Variants in LSM12 observed in about 807,000 individuals in gnomAD.
The protein encoded by LSM12 is protein LSM12.
For missense variants in LSM12, 108 were observed against 238.9 expected (o/e 0.45, Z 3.61); for synonymous variants, 74 against 87.3 (o/e 0.85, Z 0.85).
rs370655571 is a variant in LSM12 at position 44,037,537 on chromosome 17, T to C, written c.370A>G (p.Ile124Val). ...QQLFQTIHKT[I>V]KDCKWQEKNI... ...TTTTCTTGCCATTTACAGTCTTTAA[T>C]GCTGGAAGGAGAAGACAGCAGGCGA... Residue 124 changes from isoleucine (I) to valine (V), a missense_variant and splice_region_variant, in exon 4 of 5, where the codon ATT becomes GTT. Ile to Val is a conservative substitution (Grantham distance 29). Coordinates refer to ENST00000293406, the MANE Select transcript of LSM12 (RefSeq NM_001371445.1). 1.2e-6 allele frequency: 2 copies of C among 1,607,018 alleles called. No individual in the cohort carries two copies. The highest frequency in any genetic ancestry group is 1.1e-5 in the South Asian group (1 of 89,548).
chr17:44,038,636 AGAGT>A (rs563201474), intron 3 of LSM12, among the ~76,000 whole-genome samples: 203 of 152,246 alleles, frequency 1.3e-3, no homozygotes, highest in African/African-American at 4.9e-3. Context: ...GCCTGGTGAC[AGAGT>A]GAGACTCCGA....
chr17:44,045,495 AG>A (rs2049551167), intron 2 of LSM12, among the ~76,000 whole-genome samples: 1 of 152,180 alleles, frequency 6.6e-6, no homozygotes, highest in South Asian at 2.1e-4. Context: ...TTCCACTATG[AG>A]GATACAGTTC....
At chr17:44,047,652 T>A (rs1468425674) in intron 2 of LSM12, among the ~76,000 whole-genome samples, 1 of 151,978 alleles carries the variant, frequency 6.6e-6, no homozygotes, top group Admixed American at 6.6e-5. Context: ...AGCCTTGACC[T>A]CCTTGGCTAA....
chr17:44,064,569 C>G (rs1489419008), intron 1 of LSM12, among the ~76,000 whole-genome samples: 1 of 149,870 alleles, frequency 6.7e-6, no homozygotes, highest in South Asian at 2.1e-4. Flanking sequence ...CCCGTCACTA[C>G]CAAAAAAAAA....
chr17:44,049,932 G>A (rs937359727), intron 2 of LSM12, among the ~76,000 whole-genome samples: 6 of 152,138 alleles, frequency 3.9e-5, no homozygotes, highest in African/African-American at 1.4e-4. Flanking sequence ...CCTCACAGAG[G>A]GCTTAGGAAA....
chr17:44,059,512 A>T (rs2049767454), intron 2 of LSM12, among the ~76,000 whole-genome samples: 1 of 151,692 alleles, frequency 6.6e-6, no homozygotes, highest in Admixed American at 6.6e-5. Flanking sequence ...GAATCGCTTG[A>T]ACCGAGATCA....
chr17:44,064,332 C>A (rs1476058103), intron 1 of LSM12, among the ~76,000 whole-genome samples: 2 of 152,224 alleles, frequency 1.3e-5, no homozygotes, highest in African/African-American at 4.8e-5. Flanking sequence ...AAACTACACA[C>A]TGGAAAGGAA....
chr17:44,047,906 G>C (rs1196384440), intron 2 of LSM12, among the ~76,000 whole-genome samples: 1 of 151,770 alleles, frequency 6.6e-6, no homozygotes, highest in African/African-American at 2.4e-5. Context: ...GTTCTTGGCT[G>C]GGCGTGGTCA....
chr17:44,066,449 C>T lies in LSM12; in HGVS notation c.124+15G>A. On this transcript the variant is annotated intron_variant, in intron 1 of 4. Coordinates refer to ENST00000293406, the MANE Select transcript of LSM12 (RefSeq NM_001371445.1). ...CACGCCGGCCCGGACTCGGGCTTCA[C>T]GCAGGGAAGGATACTTAAAGCCAGC... 1.3e-6 allele frequency: 2 copies of T among 1,555,466 alleles called. No homozygotes were observed. Among genetic ancestry groups the T allele is most frequent in the Non-Finnish European group, 8.7e-7 (1 of 1,152,722 alleles).
At chr17:44,044,087 T>TA (rs761129718) in intron 2 of LSM12, among the ~76,000 whole-genome samples, 8 of 152,058 alleles carry the variant, frequency 5.3e-5, no homozygotes, top group Non-Finnish European at 1.2e-4. Flanking sequence ...CATAGCAGCT[T>TA]AAAAACATAA....
intron 2 of LSM12, among the ~76,000 whole-genome samples, chr17:44,042,000 G>A (rs1424241351): frequency 6.6e-6 from 1 of 152,114 alleles, no homozygotes; most frequent in African/African-American, 2.4e-5. Flanking sequence ...ATAAAAAGAG[G>A]CACTGGCTGG....
At chr17:44,047,147 T>C (rs1181506629) in intron 2 of LSM12, among the ~76,000 whole-genome samples, 1 of 152,224 alleles carries the variant, frequency 6.6e-6, no homozygotes, top group Non-Finnish European at 1.5e-5. Context: ...TTTTCACTTG[T>C]ACTTCCCTTT....
At chr17:44,061,829 T>C (rs552421858) in intron 2 of LSM12, among the ~76,000 whole-genome samples, 31 of 152,342 alleles carry the variant, frequency 2.0e-4, no homozygotes, top group African/African-American at 7.5e-4. Flanking sequence ...AAATATTTAT[T>C]AAATACTCTG....
intron 2 of LSM12, among the ~76,000 whole-genome samples, 191 bp downstream of exon 2, chr17:44,063,607 ACTT>A (rs754803399): frequency 1.4e-4 from 22 of 152,230 alleles, no homozygotes; most frequent in Non-Finnish European, 2.4e-4. Flanking sequence ...GAGTTAAGCT[ACTT>A]CTTAAGATCT....
chr17:44,048,831 T>C (rs1017714320), intron 2 of LSM12, among the ~76,000 whole-genome samples: 1 of 152,278 alleles, frequency 6.6e-6, no homozygotes, highest in Middle Eastern at 3.4e-3. Flanking sequence ...CCGTTTTATA[T>C]ATAGCACCTT....
chr17:44,063,732 TC>T (rs1468907063), intron 2 of LSM12, 68 bp downstream of exon 2: 28 of 1,447,712 alleles, frequency 1.9e-5, no homozygotes, highest in South Asian at 1.6e-4. Context: ...CAACAATGTA[TC>T]ACTAAGACTC....
intron 2 of LSM12, among the ~76,000 whole-genome samples, chr17:44,042,677 G>A (rs1423707837): frequency 1.3e-5 from 2 of 151,390 alleles, no homozygotes; most frequent in African/African-American, 2.4e-5. Flanking sequence ...TCATTCTCCT[G>A]CCTCAGCCTC....
At position 44,066,612 on chromosome 17, in the gene LSM12, G is replaced by A. The variant is rs966299499; in HGVS notation, c.-25C>T. 13 of 1,326,564 alleles carry A rather than the reference G, an allele frequency of 9.8e-6. No homozygotes were observed. The highest frequency in any genetic ancestry group is 4.0e-5 in the Admixed American group (1 of 24,770). The allele number at this position is 1,326,564 out of a possible 1,614,324, so 82.2% of individuals were successfully genotyped here. A position where few individuals can be genotyped will look rare whatever the true frequency, so the allele number is the denominator to read the frequency against. ...TCTTGGGAGTGCAGCCGCGGCCGGC[G>A]GCGGCGGCGGCAGCAGCGGGCGAAA... is the stretch of plus-strand genomic sequence containing the variant. On this transcript the variant is annotated 5_prime_UTR_variant, in exon 1 of 5. Transcript: ENST00000293406.
chr17:44,048,847 G>A (rs950769225), intron 2 of LSM12, among the ~76,000 whole-genome samples: 1 of 152,060 alleles, frequency 6.6e-6, no homozygotes, highest in Non-Finnish European at 1.5e-5. Flanking sequence ...ACCTTGATGT[G>A]GGCAAAGGAG....
Sources: allele counts gnomAD v4.1 joint callset (sites outside exome capture counted in the v4.1 genomes callset), GRCh38; gene constraint gnomAD v4.1.1; transcripts MANE v1.5; gene names NCBI Gene and HGNC (gene_info 2026-07-23, HGNC 2026-07-21).